Variants in HTR1D observed in about 807,000 individuals in gnomAD.
HTR1D encodes the protein 5-HT-1D.
Under a neutral mutation model 21.1 loss-of-function variants are expected in HTR1D, and 18 were observed. The ratio of observed to expected loss-of-function variants is 0.85; its 90% CI spans 0.59 to 1.27. The LOEUF is 1.27. Among genes scored for constraint, HTR1D ranks in the 50% most tolerant of loss-of-function variants. HTR1D has a pLI of 0.00. For synonymous variants in HTR1D, 196 were observed against 204.4 expected, an observed-to-expected ratio of 0.96 and a Z score of 0.35; for missense variants, 456 against 481.4, an observed-to-expected ratio of 0.95 and a Z score of 0.49.
At chr1:23,211,609 T>TTATGTATGTATGTATG (rs58459077) in intron 1 of HTR1D, among the ~76,000 whole-genome samples, 1 of 146,624 alleles carries the variant, frequency 6.8e-6, no homozygotes, top group African/African-American at 2.5e-5. Context: ...CAAATCCTTT[T>TTATGTATGTATGTATG]TATGTATGTA....
At chr1:23,202,582 T>A (rs192805751) in intron 1 of HTR1D, among the ~76,000 whole-genome samples, 1 of 152,274 alleles carries the variant, frequency 6.6e-6, no homozygotes, top group Admixed American at 6.5e-5. Flanking sequence ...GCCAGTCTCA[T>A]CTTTTTGGAA....
At chr1:23,213,026 A>G (rs868428911) in intron 1 of HTR1D, among the ~76,000 whole-genome samples, 7 of 151,696 alleles carry the variant, frequency 4.6e-5, no homozygotes, top group South Asian at 2.1e-4. Context: ...GGGTTTCACC[A>G]TGTTGGCCAG....
intron 1 of HTR1D, among the ~76,000 whole-genome samples, chr1:23,206,572 G>A (rs1328235054): frequency 6.6e-6 from 1 of 152,138 alleles, no homozygotes; most frequent in East Asian, 1.9e-4. Context: ...CCAGGCTCCG[G>A]TGCTGTTTCC....
intron 1 of HTR1D, among the ~76,000 whole-genome samples, chr1:23,212,140 C>A (rs750297910): frequency 3.9e-5 from 6 of 152,262 alleles, no homozygotes; most frequent in Middle Eastern, 3.4e-3. Context: ...TGAGTCTCTG[C>A]GCAGGCTATT....
chr1:23,211,969 C>G (rs1397486372), intron 1 of HTR1D, among the ~76,000 whole-genome samples: 2 of 152,086 alleles, frequency 1.3e-5, no homozygotes, highest in Non-Finnish European at 2.9e-5. Context: ...AGCCCCAAAT[C>G]CTTTTCTACA....
chr1:23,203,939 G>GT (rs1644719612), intron 1 of HTR1D, among the ~76,000 whole-genome samples: 1 of 152,054 alleles, frequency 6.6e-6, no homozygotes, highest in Non-Finnish European at 1.5e-5. Flanking sequence ...GAGGTTAGGA[G>GT]TTTGAGATCA....
intron 1 of HTR1D, among the ~76,000 whole-genome samples, chr1:23,200,912 C>T (rs1644707046): frequency 6.6e-6 from 1 of 152,168 alleles, no homozygotes; most frequent in South Asian, 2.1e-4. Context: ...CCTTTCTCGG[C>T]CCCCACCTCC....
intron 1 of HTR1D, among the ~76,000 whole-genome samples, chr1:23,211,609 T>TTATG (rs58459077): frequency 0.11 from 16,140 of 146,652 alleles, 967 homozygotes; most frequent in Middle Eastern, 0.14. Flanking sequence ...CAAATCCTTT[T>TTATG]TATGTATGTA....
chr1:23,212,203 G>A (rs1206435975), intron 1 of HTR1D, among the ~76,000 whole-genome samples: 1 of 152,076 alleles, frequency 6.6e-6, no homozygotes, highest in African/African-American at 2.4e-5. Context: ...TGGTAACTAG[G>A]GAGGGACCTG....
chr1:23,212,017 G>A (rs767044359), intron 1 of HTR1D, among the ~76,000 whole-genome samples: 25 of 151,956 alleles, frequency 1.6e-4, no homozygotes, highest in Non-Finnish European at 3.2e-4. Context: ...CACACAGCCC[G>A]GTCATTTCCT....
chr1:23,201,584 C>G (rs1245250027), intron 1 of HTR1D, among the ~76,000 whole-genome samples: 1 of 152,204 alleles, frequency 6.6e-6, no homozygotes, highest in Non-Finnish European at 1.5e-5. Flanking sequence ...GGGACTTCCT[C>G]TGTTGTCCAG....
rs531103637 is a variant in HTR1D, at chr1:23,217,361, C to T, written c.-853G>A. 4.0e-5 allele frequency among the ~76,000 whole-genome samples: 6 copies of T among 151,894 alleles called. No homozygotes were observed. The South Asian group carries it at 1.2e-3, about 32-fold the overall frequency. ...TCCACTTCCTCGCGCGGCGTCTCCC[C>T]GTCGCGGCCGCCTTGTCTCCGCCGC... On this transcript the variant is annotated 5_prime_UTR_variant, in exon 1 of 2. Transcript: ENST00000374619. This position sits in a 1 kb window ranked among gnomAD's most constrained non-coding sequence, Gnocchi z 4.6.
intron 1 of HTR1D, among the ~76,000 whole-genome samples, chr1:23,203,925 G>C (rs1448535668): frequency 6.6e-6 from 1 of 152,128 alleles, no homozygotes; most frequent in East Asian, 1.9e-4. Context: ...CAGAAGGACT[G>C]CTTGAGGTTA....
intron 1 of HTR1D, among the ~76,000 whole-genome samples, chr1:23,198,123 G>A (rs1644696414): frequency 6.7e-6 from 1 of 149,802 alleles, no homozygotes; most frequent in African/African-American, 2.5e-5. Context: ...TGTAATCCCA[G>A]CACTTTGGGA....
chr1:23,193,995 G>C lies in HTR1D; in HGVS notation c.225C>G (p.Tyr75Ter), dbSNP rs374237538. 1.2e-6 allele frequency: 2 copies of C among 1,614,032 alleles called. No individual in the cohort carries two copies. Among genetic ancestry groups the C allele is most frequent in the African/African-American group, 2.7e-5 (2 of 74,942 alleles). ...CGGTGGTGGCCAGGGAGCCAATCAG[G>C]TAGTTGGCAGGGGTGTGGAGCTTCC... Reference protein sequence around the residue: ...LTRKLHTPANYLIGSLATTDL... With the variant: ...LTRKLHTPAN Residue 75 changes from tyrosine (Y) to a stop codon, truncating the protein, a stop_gained, in exon 2 of 2, where the codon TAC becomes TAG. Coordinates refer to ENST00000374619, the MANE Select transcript of HTR1D (RefSeq NM_000864.5). LOFTEE classifies it high-confidence loss of function.
At chr1:23,203,436 C>G (rs1047782576) in intron 1 of HTR1D, among the ~76,000 whole-genome samples, 1 of 152,106 alleles carries the variant, frequency 6.6e-6, no homozygotes, top group Non-Finnish European at 1.5e-5. Flanking sequence ...GAAGTGAGAT[C>G]ACTTGAGGCC....
At chr1:23,195,970 G>A (rs975907011) in intron 1 of HTR1D, among the ~76,000 whole-genome samples, 4 of 152,012 alleles carry the variant, frequency 2.6e-5, no homozygotes, top group Non-Finnish European at 5.9e-5. Context: ...TGGAATTACA[G>A]GTGCACACCA....
At position 23,194,073 on chromosome 1, in the gene HTR1D, T is replaced by C. The variant is rs750196575; in HGVS notation, c.147A>G (p.Thr49=). The change falls in exon 2 of 2, where the codon ACA becomes ACG. Residue 49 remains threonine (T), a synonymous_variant. Coordinates refer to ENST00000374619, the MANE Select transcript of HTR1D (RefSeq NM_000864.5). ...AGGCATTGGAGAGGACTGTGGCCAG[T>C]GTGATGACGGAAAGGACCACGGCAA... The part of the protein sequence containing the change: ...ISLAVVLSVI[T]LATVLSNAFV... The C allele has an allele frequency of 2.5e-6, 4 of 1,614,106 alleles. No homozygotes were observed. In the East Asian group the frequency reaches 6.7e-5, roughly 27 times the overall value.
At chr1:23,204,477 A>G (rs1243679562) in intron 1 of HTR1D, among the ~76,000 whole-genome samples, 1 of 152,148 alleles carries the variant, frequency 6.6e-6, no homozygotes, top group African/African-American at 2.4e-5. Flanking sequence ...CCAATGTCAC[A>G]TGACTGTCAC....
Sources: gnomAD v4.1 joint callset for allele counts (sites outside exome capture counted in the v4.1 genomes callset) on GRCh38, gnomAD v4.1.1 for gene constraint, Gnocchi (gnomAD v3.1) non-coding constraint, MANE v1.5 for transcripts, NCBI Gene and HGNC (gene_info 2026-07-23, HGNC 2026-07-21) for gene names.